The following PPIB variants were observed in gnomAD, a reference collection of about 807,000 sequenced individuals.
PPIB encodes the protein peptidylprolyl isomerase B.
PPIB carries 15 observed loss-of-function variants against 20.1 expected under a neutral mutation model. The ratio of observed to expected loss-of-function variants is 0.75; its 90% CI spans 0.50 to 1.15. The LOEUF is 1.15. Ranked by LOEUF, PPIB falls within the 50% of genes most tolerant of loss-of-function variation. The probability of loss-of-function intolerance (pLI) is 0.00; values close to 1 mark genes in which losing one functional copy is unlikely to be tolerated. For synonymous variants in PPIB, 129 were observed against 111.0 expected, an observed-to-expected ratio of 1.16 and a Z score of -1.02; for missense variants, 278 against 283.0, an observed-to-expected ratio of 0.98 and a Z score of 0.13.
Position 64,156,330 on chromosome 15 carries a change from G to T in PPIB, c.529-185C>A. 1.2e-6 allele frequency: 1 copy of T among 822,218 alleles called. No homozygotes were observed. Among genetic ancestry groups the T allele is most frequent in the Non-Finnish European group, 2.0e-6 (1 of 507,788 alleles). 50.9% of individuals were successfully genotyped at this position (822,218 alleles called of 1,614,324 possible). On this transcript the variant is annotated intron_variant, in intron 4 of 4. Transcript: ENST00000300026. This position sits in a 1 kb window ranked among gnomAD's most constrained non-coding sequence, Gnocchi z 6.4. Reference sequence around the variant, plus strand: ...CAGGGAGAATGCAGATTTGACGAGGGGGTACAGGAATTTTGTTCCTTTGAA... The same window carrying T: ...CAGGGAGAATGCAGATTTGACGAGGTGGTACAGGAATTTTGTTCCTTTGAA...
rs113377532 is a variant in PPIB, at chr15:64,161,585, C to G, written c.249+456G>C. Among the ~76,000 whole-genome samples, 6,730 of 151,842 alleles carry G rather than the reference C, an allele frequency of 0.044. 191 individuals are homozygous for G. Among genetic ancestry groups the G allele is most frequent in the South Asian group, 0.086 (410 of 4,774 alleles). On this transcript the variant is annotated intron_variant, in intron 2 of 4. Coordinates refer to ENST00000300026, the MANE Select transcript of PPIB (RefSeq NM_000942.5). This position sits in a 1 kb window ranked among gnomAD's most constrained non-coding sequence, Gnocchi z 4.2. ...TACTAAAAATACAAAATTAGCCAAG[C>G]GTGGTGGCGCATGCCTGTAATCCCA... is the stretch of plus-strand genomic sequence containing the variant.
rs1222493801 is a variant in PPIB at position 64,159,213 on chromosome 15, C to T, written c.343+891G>A. ...CATCCTCAACCCCCACCACAGAGCCCCATAGACACTCATCGAGGAGTGAGC... is the reference window on the plus strand; with the variant it reads ...CATCCTCAACCCCCACCACAGAGCCTCATAGACACTCATCGAGGAGTGAGC... On this transcript the variant is annotated intron_variant, in intron 3 of 4. Coordinates refer to ENST00000300026, the MANE Select transcript of PPIB (RefSeq NM_000942.5). This position sits in a 1 kb window ranked among gnomAD's most constrained non-coding sequence, Gnocchi z 5.1. 1 of 152,216 alleles carries T rather than the reference C, an allele frequency of 6.6e-6. No homozygotes were observed. Among genetic ancestry groups the T allele is most frequent in the Non-Finnish European group, 1.5e-5 (1 of 68,094 alleles). The allele number at this position is 152,216 out of a possible 1,614,324, so 9.4% of individuals were successfully genotyped here.
In PPIB at chr15:64,160,260, T is replaced by C; in HGVS notation, c.250-63A>G. The C allele has an allele frequency of 7.6e-7, 1 of 1,323,934 alleles. No individual in the cohort carries two copies. Among genetic ancestry groups the C allele is most frequent in the South Asian group, 1.2e-5 (1 of 84,884 alleles). 82.0% of individuals were successfully genotyped at this position (1,323,934 alleles called of 1,614,324 possible). A position where few individuals can be genotyped will look rare whatever the true frequency, so the allele number is the denominator to read the frequency against. On this transcript the variant is annotated intron_variant, in intron 2 of 4. Coordinates refer to ENST00000300026, the MANE Select transcript of PPIB (RefSeq NM_000942.5). This position sits in a 1 kb window ranked among gnomAD's most constrained non-coding sequence, Gnocchi z 4.8. ...GGCAGCAGGAAGACATTACATTAAATAGGCCTCACAGGAACAAGTCCACAA... is the reference window on the plus strand; with the variant it reads ...GGCAGCAGGAAGACATTACATTAAACAGGCCTCACAGGAACAAGTCCACAA...
Position 64,161,797 on chromosome 15 carries a change from G to A in PPIB, c.249+244C>T, listed in dbSNP as rs1053680718. 3.3e-5 allele frequency among the ~76,000 whole-genome samples: 5 copies of A among 152,054 alleles called. No homozygotes were observed. Among genetic ancestry groups the A allele is most frequent in the African/African-American group, 1.2e-4 (5 of 41,394 alleles). ...TTGCTCAGGTTGGCCTTGAACTCCT[G>A]GGCTCAAGCAATCCTCCTACTTTGG... is the stretch of plus-strand genomic sequence containing the variant. On this transcript the variant is annotated intron_variant, in intron 2 of 4. Transcript: ENST00000300026. This position sits in a 1 kb window ranked among gnomAD's most constrained non-coding sequence, Gnocchi z 4.2.
At chr15:64,162,018 CTA>C (rs1335696144) in intron 2 of PPIB, 21 bp downstream of exon 2, 1 of 1,547,784 alleles carries the variant, frequency 6.5e-7, no homozygotes, top group Non-Finnish European at 8.9e-7. Flanking sequence ...TGTGAGTTGA[CTA>C]CCCCTGCTCC....
Position 64,157,188 on chromosome 15 carries a change from T to C in PPIB, c.344-279A>G. 2 of 503,360 alleles carry C rather than the reference T, an allele frequency of 4.0e-6. No individual in the cohort carries two copies. The highest frequency in any genetic ancestry group is 4.5e-5 in the South Asian group (2 of 44,382). The allele number at this position is 503,360 out of a possible 1,614,324, so 31.2% of individuals were successfully genotyped here. The stretch of plus-strand genomic sequence containing the variant: ...TTGTGGCTTTTAAATAAGGCGCATG[T>C]TATCAGCTCCCCTTAGCTATGGCCC... On this transcript the variant is annotated intron_variant, in intron 3 of 4. Coordinates refer to ENST00000300026, the MANE Select transcript of PPIB (RefSeq NM_000942.5). The surrounding 1 kb of genome is among the most constrained non-coding windows in gnomAD (Gnocchi z 4.2).
chr15:64,159,768 A>G lies in PPIB; in HGVS notation c.343+336T>C. 4.8e-6 allele frequency: 2 copies of G among 419,068 alleles called. No homozygotes were observed. The highest frequency in any genetic ancestry group is 4.4e-5 in the South Asian group (2 of 45,404). 26.0% of individuals were successfully genotyped at this position (419,068 alleles called of 1,614,324 possible). On this transcript the variant is annotated intron_variant, in intron 3 of 4. Transcript: ENST00000300026. The surrounding 1 kb of genome is among the most constrained non-coding windows in gnomAD (Gnocchi z 5.1). ...GCATCTGACCTAGAATCGCGTACCC[A>G]CATGTCTTCACTTTGCTTCCACACG...
At position 64,162,130 on chromosome 15, in the gene PPIB, C is replaced by T. The variant is rs1192426685; in HGVS notation, c.160G>A (p.Asp54Asn). 6.2e-7 allele frequency: 1 copy of T among 1,613,934 alleles called. No individual in the cohort carries two copies. The highest frequency in any genetic ancestry group is 1.1e-5 in the South Asian group (1 of 91,082). The change falls in exon 2 of 5, where the codon GAT (aspartate) becomes AAT (asparagine). Residue 54 changes from aspartate (D) to asparagine (N), a missense_variant. Physicochemically the swap from Asp to Asn is conservative, Grantham distance 23. Transcript: ENST00000300026. ...VKVYFDLRIGDEDVGRVIFGL... is the reference protein window; with the variant it reads ...VKVYFDLRIGNEDVGRVIFGL... ...AAGATCACCCGGCCTACATCTTCAT[C>T]TCCAATTCGTAGGTCAAAATACACC...
chr15:64,158,263 G>A lies in PPIB; in HGVS notation c.344-1354C>T, dbSNP rs1224474578. Among the ~76,000 whole-genome samples, 1 of 152,128 alleles carries A rather than the reference G, an allele frequency of 6.6e-6. No individual in the cohort carries two copies. Among genetic ancestry groups the A allele is most frequent in the African/African-American group, 2.4e-5 (1 of 41,410 alleles). On this transcript the variant is annotated intron_variant, in intron 3 of 4. Transcript: ENST00000300026. The surrounding 1 kb of genome is among the most constrained non-coding windows in gnomAD (Gnocchi z 4.7). ...TCCCACCACCACCGCTGCAGTAGGCGAGTGCTTAGGGTGCTCATAGTGTGA... is the reference window on the plus strand; with the variant it reads ...TCCCACCACCACCGCTGCAGTAGGCAAGTGCTTAGGGTGCTCATAGTGTGA...
Position 64,156,566 on chromosome 15 carries a change from C to T in PPIB, c.528+159G>A. ...CTGGAAGAATTTAGAACCTTGGAGG[C>T]ATGGAGGTACAGGGTTTATTCTGGA... On this transcript the variant is annotated intron_variant, in intron 4 of 4. Coordinates refer to ENST00000300026, the MANE Select transcript of PPIB (RefSeq NM_000942.5). The surrounding 1 kb of genome is among the most constrained non-coding windows in gnomAD (Gnocchi z 6.4). 1 of 920,992 alleles carries T rather than the reference C, an allele frequency of 1.1e-6. No individual in the cohort carries two copies. Among genetic ancestry groups the T allele is most frequent in the East Asian group, 2.4e-5 (1 of 41,612 alleles). 57.1% of individuals were successfully genotyped at this position (920,992 alleles called of 1,614,324 possible).
In PPIB at chr15:64,160,365, G is replaced by A. The variant is rs2081558700; in HGVS notation, c.250-168C>T. ...ACTAAGTGAGCGGGCAGGCGCCACA[G>A]GACAGGCATGGTACACACAGATGTG... On this transcript the variant is annotated intron_variant, in intron 2 of 4. Transcript: ENST00000300026. The surrounding 1 kb of genome is among the most constrained non-coding windows in gnomAD (Gnocchi z 4.8). Among the ~76,000 whole-genome samples, 1 of 152,202 alleles carries A rather than the reference G, an allele frequency of 6.6e-6. No individual in the cohort carries two copies. The highest frequency in any genetic ancestry group is 1.5e-5 in the Non-Finnish European group (1 of 68,040).
In PPIB at chr15:64,157,284, A is replaced by C; in HGVS notation, c.344-375T>G. The C allele has an allele frequency of 3.8e-6, 1 of 262,930 alleles. No homozygotes were observed. The highest frequency in any genetic ancestry group is 8.8e-5 in the East Asian group (1 of 11,358). The allele number at this position is 262,930 out of a possible 1,614,324, so 16.3% of individuals were successfully genotyped here. A position where few individuals can be genotyped will look rare whatever the true frequency, so the allele number is the denominator to read the frequency against. Reference sequence around the variant, plus strand: ...ATGCAGGGGAGTCAACAGGGTCGGAACTCTCCAGAAAAGGAGGACTGCTGT... The same window carrying C: ...ATGCAGGGGAGTCAACAGGGTCGGACCTCTCCAGAAAAGGAGGACTGCTGT... On this transcript the variant is annotated intron_variant, in intron 3 of 4. Transcript: ENST00000300026. The surrounding 1 kb of genome is among the most constrained non-coding windows in gnomAD (Gnocchi z 4.2).
chr15:64,156,022 C>A lies in PPIB; in HGVS notation c.*1G>T. On this transcript the variant is annotated 3_prime_UTR_variant, in exon 5 of 5. Transcript: ENST00000300026. The surrounding 1 kb of genome is among the most constrained non-coding windows in gnomAD (Gnocchi z 6.4). Reference sequence around the variant, plus strand: ...CACTCAAAGAAAGATGTCCCTGTGCCCTACTCCTTGGCGATGGCAAAGGGC... The same window carrying A: ...CACTCAAAGAAAGATGTCCCTGTGCACTACTCCTTGGCGATGGCAAAGGGC... The A allele has an allele frequency of 6.2e-7, 1 of 1,614,106 alleles. No homozygotes were observed. Among genetic ancestry groups the A allele is most frequent in the Non-Finnish European group, 8.5e-7 (1 of 1,180,014 alleles).
chr15:64,162,020 AC>A lies in PPIB; in HGVS notation c.249+20del. On this transcript the variant is annotated intron_variant, in intron 2 of 4. Coordinates refer to ENST00000300026, the MANE Select transcript of PPIB (RefSeq NM_000942.5). Reference sequence around the variant, plus strand: ...CAATTTCACTTCATGTGAGTTGACTACCCCTGCTCCAGCCACTTACCTCTCC... The same window carrying A: ...CAATTTCACTTCATGTGAGTTGACTACCCTGCTCCAGCCACTTACCTCTCC... 1 of 1,552,418 alleles carries A rather than the reference AC, an allele frequency of 6.4e-7. No homozygotes were observed. The highest frequency in any genetic ancestry group is 8.9e-7 in the Non-Finnish European group (1 of 1,123,812).
chr15:64,159,036 C>T lies in PPIB; in HGVS notation c.343+1068G>A, dbSNP rs2081550502. Among the ~76,000 whole-genome samples, 1 of 152,206 alleles carries T rather than the reference C, an allele frequency of 6.6e-6. No homozygotes were observed. Among genetic ancestry groups the T allele is most frequent in the Non-Finnish European group, 1.5e-5 (1 of 68,038 alleles). ...CTGAGGTCACAAAACAAGAAGGTGGCAGACACTGGATCGAGCCCAACTGCG... is the reference window on the plus strand; with the variant it reads ...CTGAGGTCACAAAACAAGAAGGTGGTAGACACTGGATCGAGCCCAACTGCG... On this transcript the variant is annotated intron_variant, in intron 3 of 4. Transcript: ENST00000300026. This position sits in a 1 kb window ranked among gnomAD's most constrained non-coding sequence, Gnocchi z 5.1.
In PPIB at chr15:64,160,669, A is replaced by G. The variant is rs1428044444; in HGVS notation, c.250-472T>C. Among the ~76,000 whole-genome samples the G allele has an allele frequency of 5.3e-5, 8 of 152,158 alleles. No individual in the cohort carries two copies. The highest frequency in any genetic ancestry group is 1.2e-4 in the Non-Finnish European group (8 of 68,034). ...AATTTTATTATTATTTTTTTGAGAC[A>G]GAGTTTCTCTCTTGTCACCCAGGCT... On this transcript the variant is annotated intron_variant, in intron 2 of 4. Transcript: ENST00000300026. The surrounding 1 kb of genome is among the most constrained non-coding windows in gnomAD (Gnocchi z 4.8).
In PPIB at chr15:64,156,353, GAAGT is replaced by G; in HGVS notation, c.529-212_529-209del. The G allele has an allele frequency of 6.9e-6, 5 of 726,666 alleles. No individual in the cohort carries two copies. Among genetic ancestry groups the G allele is most frequent in the South Asian group, 5.0e-5 (3 of 59,416 alleles). 45.0% of individuals were successfully genotyped at this position (726,666 alleles called of 1,614,324 possible). On this transcript the variant is annotated intron_variant, in intron 4 of 4. Transcript: ENST00000300026. The surrounding 1 kb of genome is among the most constrained non-coding windows in gnomAD (Gnocchi z 6.4). ...GGGGGTACAGGAATTTTGTTCCTTT[GAAGT>G]AAGACCCAGGTTGGGCCAAGGGTGA...
chr15:64,159,222 C>G lies in PPIB; in HGVS notation c.343+882G>C, dbSNP rs1436052764. 1 of 152,284 alleles carries G rather than the reference C, an allele frequency of 6.6e-6. No individual in the cohort carries two copies. The highest frequency in any genetic ancestry group is 1.5e-5 in the Non-Finnish European group (1 of 68,114). 9.4% of individuals were successfully genotyped at this position (152,284 alleles called of 1,614,324 possible). On this transcript the variant is annotated intron_variant, in intron 3 of 4. Coordinates refer to ENST00000300026, the MANE Select transcript of PPIB (RefSeq NM_000942.5). This position sits in a 1 kb window ranked among gnomAD's most constrained non-coding sequence, Gnocchi z 5.1. ...CCCCCACCACAGAGCCCCATAGACA[C>G]TCATCGAGGAGTGAGCTGTGTTCTA...
In PPIB at chr15:64,159,843, G is replaced by T. The variant is rs1320847902; in HGVS notation, c.343+261C>A. 3 of 571,982 alleles carry T rather than the reference G, an allele frequency of 5.2e-6. No homozygotes were observed. Among genetic ancestry groups the T allele is most frequent in the Non-Finnish European group, 9.4e-6 (3 of 319,330 alleles). The allele number at this position is 571,982 out of a possible 1,614,324, so 35.4% of individuals were successfully genotyped here. A position where few individuals can be genotyped will look rare whatever the true frequency, so the allele number is the denominator to read the frequency against. On this transcript the variant is annotated intron_variant, in intron 3 of 4. Transcript: ENST00000300026. This position sits in a 1 kb window ranked among gnomAD's most constrained non-coding sequence, Gnocchi z 5.1. ...AAGAGGTATCAGGAAAGGTCACCAG[G>T]CTATAGGCCTGGATCAGCAGGACGG... is the stretch of plus-strand genomic sequence containing the variant.
Sources: allele counts gnomAD v4.1 joint callset (sites outside exome capture counted in the v4.1 genomes callset), GRCh38; gene constraint gnomAD v4.1.1; non-coding constraint Gnocchi (gnomAD v3.1); transcripts MANE v1.5; gene names NCBI Gene and HGNC (gene_info 2026-07-23, HGNC 2026-07-21).